The following VWDE variants were observed in gnomAD, a reference collection of about 807,000 sequenced individuals.
VWDE encodes the protein von Willebrand factor D and EGF domains, also known as von Willebrand factor D and EGF domain-containing protein.
VWDE carries 207 observed loss-of-function variants against 178.4 expected under a neutral mutation model. The observed-to-expected ratio is 1.16, with a 90% confidence interval of 1.04 to 1.30. The LOEUF is 1.30. Among genes scored for constraint, VWDE ranks in the 50% most tolerant of loss-of-function variants. The pLI, the probability that VWDE is intolerant of heterozygous loss-of-function variation, is 0.00. For synonymous variants in VWDE, 738 were observed against 651.4 expected, an observed-to-expected ratio of 1.13 and a Z score of -2.02; for missense variants, 2,287 against 1,901.3, an observed-to-expected ratio of 1.20 and a Z score of -3.77.
At chr7:12,373,938 C>T (rs563090711) in intron 9 of VWDE, among the ~76,000 whole-genome samples, 12 of 152,228 alleles carry the variant, frequency 7.9e-5, no homozygotes, top group Admixed American at 3.3e-4. Flanking sequence ...CCTGTTGACA[C>T]CATTGGAGTA....
intron 9 of VWDE, among the ~76,000 whole-genome samples, chr7:12,374,238 A>T (rs1434670242): frequency 6.6e-6 from 1 of 152,098 alleles, no homozygotes; most frequent in Non-Finnish European, 1.5e-5. Context: ...CCAGGTATCC[A>T]TAATAGTTAT....
chr7:12,330,970 C>T lies in VWDE; in HGVS notation c.*213G>A. 1 of 489,402 alleles carries T rather than the reference C, an allele frequency of 2.0e-6. No individual in the cohort carries two copies. Among genetic ancestry groups the T allele is most frequent in the South Asian group, 2.8e-5 (1 of 35,178 alleles). 30.3% of individuals were successfully genotyped at this position (489,402 alleles called of 1,614,324 possible). On this transcript the variant is annotated 3_prime_UTR_variant, in exon 29 of 29. Coordinates refer to ENST00000275358, the MANE Select transcript of VWDE (RefSeq NM_001135924.3). Reference sequence around the variant, plus strand: ...TCATCTCAATATGTAAATATCCTATCCCATCTCAACATCAAATTTAGATTA... The same window carrying T: ...TCATCTCAATATGTAAATATCCTATTCCATCTCAACATCAAATTTAGATTA...
At chr7:12,362,685 A>C (rs992786004) in intron 13 of VWDE, among the ~76,000 whole-genome samples, 1 of 152,146 alleles carries the variant, frequency 6.6e-6, no homozygotes, top group African/African-American at 2.4e-5. Context: ...GTGGGTCAGC[A>C]GGAAAGGGAA....
rs966537865 is a variant in VWDE, at chr7:12,333,533, A to T, written c.4690T>A (p.Cys1564Ser). The T allele has an allele frequency of 1.3e-6, 2 of 1,551,186 alleles. No individual in the cohort carries two copies. Among genetic ancestry groups the T allele is most frequent in the Non-Finnish European group, 1.7e-6 (2 of 1,146,700 alleles). ...CNPKCLYGGR[C>S]IFPNVCSCRT... ...CAGGAACACACATTGGGAAATATGC[A>T]TCTGCCTCCATAAAGACATTTTGGG... Residue 1564 changes from cysteine (C) to serine (S), a missense_variant, in exon 28 of 29, where the codon TGC (cysteine) becomes AGC (serine). Physicochemically the swap from Cys to Ser is moderately radical, Grantham distance 112. Transcript: ENST00000275358.
intron 24 of VWDE, among the ~76,000 whole-genome samples, chr7:12,338,751 G>C (rs892371300): frequency 1.3e-5 from 2 of 152,100 alleles, no homozygotes; most frequent in African/African-American, 4.8e-5. Context: ...CACTCTCCAT[G>C]TGAAATCCAA....
intron 21 of VWDE, among the ~76,000 whole-genome samples, chr7:12,343,628 C>T (rs1781446140): frequency 6.6e-6 from 1 of 152,116 alleles, no homozygotes; most frequent in Non-Finnish European, 1.5e-5. Context: ...TAATTATATG[C>T]ACCATCTACC....
intron 13 of VWDE, among the ~76,000 whole-genome samples, chr7:12,363,506 T>A (rs905768359): frequency 6.6e-6 from 1 of 152,018 alleles, no homozygotes; most frequent in African/African-American, 2.4e-5. Flanking sequence ...GCTTAAGTGG[T>A]TGAATCTCTA....
In VWDE at chr7:12,379,576, T is replaced by A. The variant is rs749535825; in HGVS notation, c.790-10A>T. 6 of 1,519,544 alleles carry A rather than the reference T, an allele frequency of 3.9e-6. No homozygotes were observed. In the Admixed American group the frequency reaches 6.6e-5, roughly 17 times the overall value. The allele number at this position is 1,519,544 out of a possible 1,614,324, so 94.1% of individuals were successfully genotyped here. ...AAGCGCTGCAGAATATCTATGGATA[T>A]AATTAAAAAATAATCACTTAGAAAT... On this transcript the variant is annotated splice_polypyrimidine_tract_variant and intron_variant, in intron 5 of 28. Coordinates refer to ENST00000275358, the MANE Select transcript of VWDE (RefSeq NM_001135924.3).
At chr7:12,358,945 C>T (rs1449240439) in intron 16 of VWDE, among the ~76,000 whole-genome samples, 1 of 152,110 alleles carries the variant, frequency 6.6e-6, no homozygotes, top group Non-Finnish European at 1.5e-5. Context: ...AATGATATTA[C>T]ACAGCATTGT....
At chr7:12,334,356 G>C (rs1780897073) in intron 27 of VWDE, among the ~76,000 whole-genome samples, 1 of 152,042 alleles carries the variant, frequency 6.6e-6, no homozygotes, top group African/African-American at 2.4e-5. Flanking sequence ...ATATATAATA[G>C]TTATTTTTAT....
intron 1 of VWDE, among the ~76,000 whole-genome samples, chr7:12,399,530 G>T (rs1298026183): frequency 6.6e-6 from 1 of 152,096 alleles, no homozygotes; most frequent in Non-Finnish European, 1.5e-5. Context: ...AAAACAGGCA[G>T]CATAATATAA....
intron 18 of VWDE, 27 bp from the exon 19 acceptor site, chr7:12,351,740 T>C (rs1781959243): frequency 4.6e-6 from 7 of 1,520,764 alleles, no homozygotes; most frequent in Non-Finnish European, 6.2e-6. Context: ...GGAAAACAGA[T>C]TAGACTTAAA....
At chr7:12,346,709 G>A (rs1284875008) in intron 19 of VWDE, among the ~76,000 whole-genome samples, 1 of 151,936 alleles carries the variant, frequency 6.6e-6, no homozygotes, top group Non-Finnish European at 1.5e-5. Flanking sequence ...AAAATCTAAC[G>A]GGTTTTAGAG....
At position 12,380,158 on chromosome 7, in the gene VWDE, T is replaced by G. The variant is rs577749493; in HGVS notation, c.789+328A>C. On this transcript the variant is annotated intron_variant, in intron 5 of 28. Transcript: ENST00000275358. The stretch of plus-strand genomic sequence containing the variant: ...CATCGTCATTTAAAAAATTAAAACA[T>G]TTTTTCTAGAATAAACGTATATAAT... Among the ~76,000 whole-genome samples, 445 of 151,642 alleles carry G rather than the reference T, an allele frequency of 2.9e-3. 3 individuals carry two copies. Among genetic ancestry groups the G allele is most frequent in the Admixed American group, 9.4e-3 (143 of 15,226 alleles).
chr7:12,402,093 A>C (rs1784924992), intron 1 of VWDE, among the ~76,000 whole-genome samples: 1 of 152,224 alleles, frequency 6.6e-6, no homozygotes, highest in Non-Finnish European at 1.5e-5. Flanking sequence ...CAGAATAGGC[A>C]AATGCAATGA....
chr7:12,390,420 G>C (rs1020987628), intron 2 of VWDE, among the ~76,000 whole-genome samples: 1 of 151,820 alleles, frequency 6.6e-6, no homozygotes, highest in African/African-American at 2.4e-5. Context: ...ATAAAGTAAT[G>C]TATATAATGC....
intron 18 of VWDE, among the ~76,000 whole-genome samples, chr7:12,353,597 C>G (rs1222040006): frequency 6.6e-6 from 1 of 151,798 alleles, no homozygotes; most frequent in Non-Finnish European, 1.5e-5. Context: ...TCATCTTCAT[C>G]TTAGGTTAAT....
At chr7:12,360,230 T>C (rs1251870383) in intron 15 of VWDE, among the ~76,000 whole-genome samples, 2 of 152,138 alleles carry the variant, frequency 1.3e-5, no homozygotes, top group African/African-American at 4.8e-5. Flanking sequence ...GAACATTAAA[T>C]GTAGAAAGTA....
At chr7:12,335,087 A>T (rs139235735) in intron 27 of VWDE, among the ~76,000 whole-genome samples, 34 of 152,330 alleles carry the variant, frequency 2.2e-4, no homozygotes, top group African/African-American at 7.7e-4. Flanking sequence ...GGTATGGTTC[A>T]TAAGACATTG....
Sources: gnomAD v4.1 joint callset for allele counts (sites outside exome capture counted in the v4.1 genomes callset) on GRCh38, gnomAD v4.1.1 for gene constraint, MANE v1.5 for transcripts, NCBI Gene and HGNC (gene_info 2026-07-23, HGNC 2026-07-21) for gene names.